CACNB4: variants seen among roughly 807,000 people sequenced by gnomAD.
CACNB4 encodes the protein calcium voltage-gated channel auxiliary subunit beta 4, also known as voltage-dependent L-type calcium channel subunit beta-4.
In CACNB4, 32 loss-of-function variants were observed where a neutral mutation model predicts 71.2. The ratio of observed to expected loss-of-function variants is 0.45; its 90% CI spans 0.34 to 0.60. The LOEUF (loss-of-function observed/expected upper bound fraction) is 0.60. Ranked by LOEUF, CACNB4 falls within the 20% of genes least tolerant of loss-of-function variation. CACNB4 has a pLI of 0.01. For synonymous variants in CACNB4, 231 were observed against 236.9 expected, an observed-to-expected ratio of 0.97 and a Z score of 0.23; for missense variants, 464 against 647.9, an observed-to-expected ratio of 0.72 and a Z score of 3.08.
intron 2 of CACNB4, among the ~76,000 whole-genome samples, chr2:151,921,204 C>T (rs1444240780): frequency 1.3e-5 from 2 of 150,576 alleles, no homozygotes; most frequent in Non-Finnish European, 3.0e-5. Context: ...AAACACCTTA[C>T]TTGATTGGTT....
At chr2:151,920,122 T>C (rs1042717582) in intron 2 of CACNB4, among the ~76,000 whole-genome samples, 1 of 138,266 alleles carries the variant, frequency 7.2e-6, no homozygotes, top group African/African-American at 2.7e-5. Context: ...TCAGAATGTG[T>C]TTTTCCTTTG....
At chr2:152,063,890 A>C (rs1458048109) in intron 2 of CACNB4, among the ~76,000 whole-genome samples, 3 of 152,212 alleles carry the variant, frequency 2.0e-5, no homozygotes, top group Non-Finnish European at 2.9e-5. Context: ...AGACTCGTGT[A>C]CAAAATCCCC....
intron 2 of CACNB4, among the ~76,000 whole-genome samples, chr2:152,030,499 G>A (rs1385378605): frequency 3.3e-5 from 5 of 152,200 alleles, no homozygotes; most frequent in Non-Finnish European, 7.3e-5. Flanking sequence ...TAGGGTACAT[G>A]TGCACAACGT....
intron 2 of CACNB4, among the ~76,000 whole-genome samples, chr2:151,942,098 C>CACAA (rs2099864417): frequency 7.3e-6 from 1 of 136,162 alleles, no homozygotes; most frequent in South Asian, 2.1e-4. Flanking sequence ...GATGGTAAAA[C>CACAA]ACAAACTGTG....
chr2:152,053,615 C>T (rs1011020665), intron 2 of CACNB4, among the ~76,000 whole-genome samples: 2 of 151,684 alleles, frequency 1.3e-5, no homozygotes, highest in African/African-American at 4.9e-5. Flanking sequence ...CCTCGACCTC[C>T]TGAGCTCAAG....
rs149414471 is a variant in CACNB4 at position 152,085,978 on chromosome 2, T to A, written c.147+12352A>T. On this transcript the variant is annotated intron_variant, in intron 2 of 13. Transcript: ENST00000539935. ...AAAACATACCAAGGTCCTTGTTTTT[T>A]ATTCAACAATTAGCACTCTTTGGTG... Among the ~76,000 whole-genome samples the A allele has an allele frequency of 7.0e-3, 1,061 of 152,282 alleles. 6 individuals carry two copies. The highest frequency in any genetic ancestry group is 0.011 in the Non-Finnish European group (763 of 68,012).
At chr2:152,002,453 C>T (rs755792854) in intron 2 of CACNB4, among the ~76,000 whole-genome samples, 8 of 152,178 alleles carry the variant, frequency 5.3e-5, no homozygotes, top group Non-Finnish European at 7.3e-5. Context: ...GGTTATACAG[C>T]GACCATGGCC....
chr2:151,952,094 C>A (rs561372417), intron 2 of CACNB4, among the ~76,000 whole-genome samples: 1 of 152,134 alleles, frequency 6.6e-6, no homozygotes, highest in Non-Finnish European at 1.5e-5. Context: ...TATGTATATA[C>A]ACCATCTAGG....
At chr2:151,932,345 G>A (rs2099861826) in intron 2 of CACNB4, among the ~76,000 whole-genome samples, 1 of 152,122 alleles carries the variant, frequency 6.6e-6, no homozygotes, top group South Asian at 2.1e-4. Flanking sequence ...CAAGGCTACA[G>A]ATGAAACATG....
upstream of CACNB4, chr2:152,099,114 C>A: frequency 1.5e-6 from 1 of 687,774 alleles, no homozygotes; most frequent in East Asian, 3.4e-5. Flanking sequence ...ACTTCCCCAC[C>A]CGGCTCCAGG....
At chr2:152,059,236 C>A (rs1449050742) in intron 2 of CACNB4, among the ~76,000 whole-genome samples, 1 of 152,190 alleles carries the variant, frequency 6.6e-6, no homozygotes, top group Non-Finnish European at 1.5e-5. Context: ...GAGAAGAGGA[C>A]CACCATTCTC....
At chr2:152,001,854 G>A (rs1682441611) in intron 2 of CACNB4, among the ~76,000 whole-genome samples, 1 of 152,180 alleles carries the variant, frequency 6.6e-6, no homozygotes, top group South Asian at 2.1e-4. Context: ...ATGTAAATAA[G>A]TGTAAATGGT....
intron 5 of CACNB4, 102 bp from the exon 6 acceptor site, chr2:151,872,595 C>T (rs891168301): frequency 7.8e-5 from 51 of 649,772 alleles, no homozygotes; most frequent in African/African-American, 7.7e-4. Flanking sequence ...TTAAATAATT[C>T]AAAACACACC....
intron 12 of CACNB4, among the ~76,000 whole-genome samples, chr2:151,846,541 G>A (rs1460907578): frequency 6.6e-6 from 1 of 151,852 alleles, no homozygotes; most frequent in Non-Finnish European, 1.5e-5. Context: ...TTGTTTGTTT[G>A]TTTTTTGTTT....
intron 2 of CACNB4, among the ~76,000 whole-genome samples, chr2:151,997,234 C>T (rs1348107121): frequency 6.6e-6 from 1 of 152,120 alleles, no homozygotes; most frequent in Non-Finnish European, 1.5e-5. Context: ...TGGCAAGTGT[C>T]CTTATAAGAG....
At chr2:152,040,934 A>G (rs1482223174) in intron 2 of CACNB4, among the ~76,000 whole-genome samples, 1 of 152,236 alleles carries the variant, frequency 6.6e-6, no homozygotes, top group East Asian at 1.9e-4. Context: ...ATGTCCACAT[A>G]AACAAAATTG....
chr2:151,839,333 A>G lies in CACNB4; in HGVS notation c.1349T>C (p.Ile450Thr), dbSNP rs765715570. 1.9e-6 allele frequency: 3 copies of G among 1,613,064 alleles called. No individual in the cohort carries two copies. Among genetic ancestry groups the G allele is most frequent in the Admixed American group, 1.7e-5 (1 of 60,010 alleles). Residue 450 changes from isoleucine to threonine, a missense_variant, in exon 14 of 14, where the codon ATT becomes ACT. Around this residue, in one of 3 missense-constraint regions of CACNB4, gnomAD observed 115 missense variants for 128.8 expected, o/e 0.89. Transcript: ENST00000539935. The part of the protein sequence containing the change: ...HSNHSTENSP[I>T]ERRSLMTSDE... ...AGAGGTCATTAGACTTCGTCTTTCA[A>G]TTGGAGAGTTCTCTGTGGAGTGGTT...
intron 2 of CACNB4, chr2:151,883,597 G>A: frequency 1.9e-6 from 1 of 528,984 alleles, no homozygotes; most frequent in Non-Finnish European, 3.4e-6. Flanking sequence ...TTAAGTGCTA[G>A]GAAGTAAACT....
In CACNB4 at chr2:151,882,181, C is replaced by CTTT. The variant is rs35206904; in HGVS notation, c.267+1067_267+1069dup. On this transcript the variant is annotated intron_variant, in intron 3 of 13. Coordinates refer to ENST00000539935, the MANE Select transcript of CACNB4 (RefSeq NM_000726.5). ...GGCGTAAGCCACTGCACCGGCCCCT[C>CTTT]TTTTTTTTTTTTTTTTTTTTTTTTT... Among the ~76,000 whole-genome samples, 8 of 50,832 alleles carry CTTT rather than the reference C, an allele frequency of 1.6e-4. 1 individual carries two copies. In the East Asian group the frequency reaches 2.1e-3, roughly 14 times the overall value. 33.3% of individuals were successfully genotyped at this position (50,832 alleles called of 152,430 possible).
Sources: gnomAD v4.1 joint callset for allele counts (sites outside exome capture counted in the v4.1 genomes callset) on GRCh38, gnomAD v4.1.1 for gene constraint, gnomAD v4.1.1 regional missense constraint, MANE v1.5 for transcripts, NCBI Gene and HGNC (gene_info 2026-07-23, HGNC 2026-07-21) for gene names.